UTP18: variants seen among roughly 807,000 people sequenced by gnomAD.
UTP18 encodes the protein U3 small nucleolar RNA-associated protein 18 homolog.
Under a neutral mutation model 61.1 loss-of-function variants are expected in UTP18, and 36 were observed. That is an observed-to-expected ratio of 0.59 (90% CI 0.45 to 0.78). The LOEUF is 0.78. UTP18 is among the 30% of genes least tolerant of loss of function. UTP18 has a pLI of 0.00. For synonymous variants in UTP18, 282 were observed against 251.1 expected, an observed-to-expected ratio of 1.12 and a Z score of -1.16; for missense variants, 753 against 693.9, an observed-to-expected ratio of 1.09 and a Z score of -0.96.
At chr17:51,268,425 GTT>G (rs897393518) in intron 3 of UTP18, among the ~76,000 whole-genome samples, 1 of 152,212 alleles carries the variant, frequency 6.6e-6, no homozygotes, top group African/African-American at 2.4e-5. Context: ...ATATAATGAA[GTT>G]TTGTATATTC....
intron 11 of UTP18, among the ~76,000 whole-genome samples, chr17:51,289,372 T>TTA (rs1555556648): frequency 5.1e-5 from 1 of 19,638 alleles, no homozygotes; most frequent in Non-Finnish European, 8.3e-5. Flanking sequence ...CATTTTTGTA[T>TTA]TTTTTTTTTT....
rs2055429297 is a variant in UTP18, at chr17:51,260,692, C to A, written c.108C>A (p.Gly36=). The A allele has an allele frequency of 6.2e-7, 1 of 1,606,394 alleles. No individual in the cohort carries two copies. Among genetic ancestry groups the A allele is most frequent in the South Asian group, 1.1e-5 (1 of 90,306 alleles). ...RPDWKAGAGP[G]GPPQKPAPSS... ...ACTGGAAAGCCGGAGCGGGGCCAGG[C>A]GGGCCTCCCCAAAAGCCTGCCCCTT... The change falls in exon 1 of 14, where the codon GGC becomes GGA. Residue 36 remains glycine (G), a synonymous_variant. Transcript: ENST00000225298.
intron 9 of UTP18, among the ~76,000 whole-genome samples, chr17:51,282,960 C>T (rs1178284137): frequency 7.3e-5 from 11 of 150,516 alleles, no homozygotes; most frequent in African/African-American, 2.7e-4. Context: ...CCTCTGCCTC[C>T]CAAGTTCTAG....
chr17:51,269,362 T>C (rs1489629200), intron 4 of UTP18, among the ~76,000 whole-genome samples: 1 of 149,038 alleles, frequency 6.7e-6, no homozygotes, highest in Non-Finnish European at 1.5e-5. Context: ...AGGTTTTAAA[T>C]TTAACTTGTA....
At chr17:51,288,418 C>T (rs945889221) in intron 11 of UTP18, 4 of 526,356 alleles carry the variant, frequency 7.6e-6, no homozygotes, top group Non-Finnish European at 1.4e-5. Context: ...TAAAGCTTTG[C>T]TGTCCATTCT....
chr17:51,297,920 C>G lies in UTP18; in HGVS notation c.*153C>G. 1 of 298,194 alleles carries G rather than the reference C, an allele frequency of 3.4e-6. No individual in the cohort carries two copies. The highest frequency in any genetic ancestry group is 2.8e-5 in the South Asian group (1 of 35,402). The allele number at this position is 298,194 out of a possible 1,614,324, so 18.5% of individuals were successfully genotyped here. A position where few individuals can be genotyped will look rare whatever the true frequency, so the allele number is the denominator to read the frequency against. On this transcript the variant is annotated 3_prime_UTR_variant, in exon 14 of 14. Transcript: ENST00000225298. ...TAATGTCTTAATAAACATGTGGCAGCTTTTGTTTGAAAATAAGTGTATCTG... is the reference window on the plus strand; with the variant it reads ...TAATGTCTTAATAAACATGTGGCAGGTTTTGTTTGAAAATAAGTGTATCTG...
chr17:51,268,083 C>T (rs530165834), intron 3 of UTP18, among the ~76,000 whole-genome samples: 3 of 149,340 alleles, frequency 2.0e-5, no homozygotes, highest in Non-Finnish European at 3.0e-5. Context: ...GATCGCGGCT[C>T]ACTGCAAGCT....
chr17:51,276,828 T>C (rs1055831876), intron 6 of UTP18, among the ~76,000 whole-genome samples: 1 of 152,146 alleles, frequency 6.6e-6, no homozygotes, highest in Non-Finnish European at 1.5e-5. Context: ...CTCAAGAAAT[T>C]AGTAGGGCAA....
At chr17:51,292,615 G>A (rs548214529) in intron 11 of UTP18, among the ~76,000 whole-genome samples, 1 of 152,366 alleles carries the variant, frequency 6.6e-6, no homozygotes, top group South Asian at 2.1e-4. Flanking sequence ...CCAGCTGAAT[G>A]ATAACGGTTG....
intron 2 of UTP18, among the ~76,000 whole-genome samples, chr17:51,265,803 C>G (rs1160411127): frequency 6.6e-6 from 1 of 150,632 alleles, no homozygotes; most frequent in African/African-American, 2.4e-5. Flanking sequence ...ACCTCGTGAT[C>G]CACCTGCCTC....
Position 51,271,258 on chromosome 17 carries a change from C to T in UTP18, c.623-2104C>T, listed in dbSNP as rs187976413. 3.3e-3 allele frequency among the ~76,000 whole-genome samples: 496 copies of T among 152,156 alleles called. 2 individuals carry two copies. Among genetic ancestry groups the T allele is most frequent in the Non-Finnish European group, 6.0e-3 (411 of 68,002 alleles). On this transcript the variant is annotated intron_variant, in intron 4 of 13. Transcript: ENST00000225298. ...AAGTATTGTTTCTGTTCCAGTCTTC[C>T]TTTCTAGATTATTAGTAATACGTAT...
intron 13 of UTP18, among the ~76,000 whole-genome samples, 153 bp downstream of exon 13, chr17:51,297,156 C>G (rs1905389767): frequency 6.6e-6 from 1 of 152,186 alleles, no homozygotes; most frequent in Non-Finnish European, 1.5e-5. Context: ...AGATCAGGAA[C>G]TGTCTAGCTG....
intron 11 of UTP18, chr17:51,288,654 C>A: frequency 2.2e-6 from 1 of 455,304 alleles, no homozygotes; most frequent in South Asian, 1.6e-5. Flanking sequence ...TAGGTAGTAC[C>A]TTTGAATATA....
chr17:51,264,277 C>T (rs866113557), intron 2 of UTP18, among the ~76,000 whole-genome samples: 13 of 152,196 alleles, frequency 8.5e-5, no homozygotes, highest in Middle Eastern at 3.4e-3. Context: ...GAACTCCTGA[C>T]CTCAAGTATA....
chr17:51,287,298 T>C (rs1231750844), intron 10 of UTP18, among the ~76,000 whole-genome samples: 1 of 152,210 alleles, frequency 6.6e-6, no homozygotes, highest in East Asian at 1.9e-4. Flanking sequence ...CAAGTTATTC[T>C]TAAAGAATCT....
intron 9 of UTP18, among the ~76,000 whole-genome samples, chr17:51,284,029 C>T (rs113364580): frequency 4.6e-5 from 7 of 152,338 alleles, no homozygotes; most frequent in Admixed American, 3.3e-4. Flanking sequence ...AGAGACTAAT[C>T]TTTAAAACAC....
rs897651369 is a variant in UTP18, at chr17:51,280,019, A to G, written c.1027A>G (p.Ile343Val). 4.3e-6 allele frequency: 7 copies of G among 1,613,208 alleles called. No individual in the cohort carries two copies. The African/African-American group carries it at 9.3e-5, about 22-fold the overall frequency. ...VHQVRGLKEK[I>V]VRSFEVSPDG... ...TCCTATTTTAGGTTTGAAAGAGAAG[A>G]TAGTGAGGAGCTTTGAAGTCTCCCC... Residue 343 changes from isoleucine to valine, a missense_variant, in exon 8 of 14, where the codon ATA (isoleucine) becomes GTA (valine). Transcript: ENST00000225298.
At chr17:51,295,011 G>C (rs1396093829) in intron 12 of UTP18, among the ~76,000 whole-genome samples, 3 of 151,878 alleles carry the variant, frequency 2.0e-5, no homozygotes, top group Non-Finnish European at 4.4e-5. Context: ...CTTTTGAGAA[G>C]TGTCTGTTCA....
At chr17:51,269,839 TTGTGTGTGTGTGTGTG>T (rs58180688) in intron 4 of UTP18, among the ~76,000 whole-genome samples, 6 of 137,718 alleles carry the variant, frequency 4.4e-5, no homozygotes, top group African/African-American at 1.3e-4. Flanking sequence ...AAATAATGTA[TTGTGTGTGTGTGTGTG>T]TGTGTGTGTG....
Sources: allele counts gnomAD v4.1 joint callset (sites outside exome capture counted in the v4.1 genomes callset), GRCh38; gene constraint gnomAD v4.1.1; transcripts MANE v1.5; gene names NCBI Gene and HGNC (gene_info 2026-07-23, HGNC 2026-07-21).